The following SEMA3F variants were observed in gnomAD, a reference collection of about 807,000 sequenced individuals.
SEMA3F encodes the protein semaphorin 3F, also known as semaphorin-3F.
SEMA3F carries 30 observed loss-of-function variants against 98.5 expected under a neutral mutation model. That is an observed-to-expected ratio of 0.30 (90% confidence interval 0.23 to 0.41). The LOEUF (loss-of-function observed/expected upper bound fraction) is 0.41, where lower values mean the gene tolerates loss of function less well. Ranked by LOEUF, SEMA3F falls within the 10% of genes least tolerant of loss-of-function variation. SEMA3F has a pLI of 1.00. For missense variants in SEMA3F, 866 were observed against 1,119.3 expected, an observed-to-expected ratio of 0.77 and a Z score of 3.23; for synonymous variants, 380 against 444.8, an observed-to-expected ratio of 0.85 and a Z score of 1.83.
chr3:50,171,310 G>A (rs1390753140), intron 2 of SEMA3F, among the ~76,000 whole-genome samples: 3 of 152,190 alleles, frequency 2.0e-5, no homozygotes, highest in Non-Finnish European at 4.4e-5. Flanking sequence ...CTTTGCAAGA[G>A]GGTAGGGGAC....
At chr3:50,160,207 G>T (rs1227780947) in intron 2 of SEMA3F, among the ~76,000 whole-genome samples, 1 of 152,138 alleles carries the variant, frequency 6.6e-6, no homozygotes, top group Non-Finnish European at 1.5e-5. Context: ...TGGGGTGTGG[G>T]TGCTCGAGGA....
intron 5 of SEMA3F, 27 bp from the exon 6 acceptor site, chr3:50,175,069 T>G: frequency 4.1e-6 from 6 of 1,459,594 alleles, no homozygotes; most frequent in African/African-American, 1.4e-5. Context: ...CACCCCCAGC[T>G]CTAACCCCTG....
At chr3:50,184,926 A>G in intron 13 of SEMA3F, 112 bp downstream of exon 13, 4 of 743,588 alleles carry the variant, frequency 5.4e-6, no homozygotes, top group Non-Finnish European at 8.9e-6. Flanking sequence ...CATCAGAGTC[A>G]CTTCTTCATC....
chr3:50,167,776 A>G (rs1389417114), intron 2 of SEMA3F, among the ~76,000 whole-genome samples: 1 of 152,070 alleles, frequency 6.6e-6, no homozygotes, highest in African/African-American at 2.4e-5. Context: ...CCTGGGATAG[A>G]TGTGTCAGGG....
chr3:50,176,895 A>T, intron 7 of SEMA3F, 34 bp downstream of exon 7: 1 of 1,528,296 alleles, frequency 6.5e-7, no homozygotes, highest in Non-Finnish European at 9.1e-7. Context: ...TACAGTCTCA[A>T]TGTGTGGCCT....
chr3:50,181,446 T>C (rs9858297), intron 7 of SEMA3F, among the ~76,000 whole-genome samples: 102,854 of 151,394 alleles, frequency 0.68, 35,523 homozygotes, highest in East Asian at 0.99. Flanking sequence ...CTCAGCCTCC[T>C]GAGTAGCTGG....
rs1323961794 is a variant in SEMA3F, at chr3:50,187,728, G to C, written c.1971G>C (p.Leu657=). Residue 657 remains leucine, a synonymous_variant, in exon 19 of 19, where the codon CTG becomes CTC. Transcript: ENST00000002829. ...RREIRAEDRF[L]RTEQGLLLRA... is the part of the protein sequence containing the mutation. ...AGATTCGTGCAGAGGACCGCTTCCT[G>C]CGCACAGAGCAGGGCTTGTTGCTCC... 6.2e-7 allele frequency: 1 copy of C among 1,602,236 alleles called. No homozygotes were observed. The highest frequency in any genetic ancestry group is 8.5e-7 in the Non-Finnish European group (1 of 1,171,540).
intron 5 of SEMA3F, 61 bp from the exon 6 acceptor site, chr3:50,175,035 C>T (rs559675069): frequency 1.3e-5 from 16 of 1,218,746 alleles, no homozygotes; most frequent in South Asian, 7.7e-5. Flanking sequence ...GCTGGCAGCC[C>T]GAGCCCGCTC....
chr3:50,184,466 C>T (rs909970239), intron 12 of SEMA3F, 126 bp from the exon 13 acceptor site: 13 of 696,402 alleles, frequency 1.9e-5, no homozygotes, highest in African/African-American at 8.8e-5. Context: ...ACTTGGAGAG[C>T]GGGTTTGGGG....
At chr3:50,169,714 G>A (rs1358808314) in intron 2 of SEMA3F, among the ~76,000 whole-genome samples, 2 of 152,230 alleles carry the variant, frequency 1.3e-5, no homozygotes, top group Admixed American at 6.5e-5. Flanking sequence ...TGCCAGAGCC[G>A]GGCGTGGGAC....
chr3:50,172,469 C>A (rs1698653715), intron 2 of SEMA3F, among the ~76,000 whole-genome samples: 1 of 152,108 alleles, frequency 6.6e-6, no homozygotes, highest in African/African-American at 2.4e-5. Flanking sequence ...TCTGAGCCCC[C>A]TCCTGTCCTT....
chr3:50,167,038 T>C (rs1698431811), intron 2 of SEMA3F, among the ~76,000 whole-genome samples: 1 of 152,162 alleles, frequency 6.6e-6, no homozygotes, highest in African/African-American at 2.4e-5. Context: ...CCCTTCATAC[T>C]TCTTGGGGCA....
chr3:50,165,388 A>G (rs1053967967), intron 2 of SEMA3F, among the ~76,000 whole-genome samples: 2 of 152,176 alleles, frequency 1.3e-5, no homozygotes, highest in African/African-American at 2.4e-5. Context: ...AGTGATACGG[A>G]TGCATTTGGC....
intron 2 of SEMA3F, among the ~76,000 whole-genome samples, chr3:50,161,895 G>T (rs1195376540): frequency 1.3e-5 from 2 of 152,226 alleles, no homozygotes; most frequent in African/African-American, 4.8e-5. Flanking sequence ...TGAGGAGCAG[G>T]CGCCCACCAA....
chr3:50,186,030 A>G lies in SEMA3F; in HGVS notation c.1729A>G (p.Thr577Ala). ...AWDGQACSRY[T>A]ASSKRRSRRQ... ...GGATGGCCAGGCCTGCTCCCGCTAT[A>G]CAGCATCCTCCAAGAGGTGTGGACC... The change falls in exon 16 of 19, where the codon ACA becomes GCA. Residue 577 changes from threonine to alanine, a missense_variant. Physicochemically the swap from Thr to Ala is moderately conservative, Grantham distance 58. Coordinates refer to ENST00000002829, the MANE Select transcript of SEMA3F (RefSeq NM_004186.5). The G allele has an allele frequency of 6.2e-7, 1 of 1,612,506 alleles. No individual in the cohort carries two copies. The highest frequency in any genetic ancestry group is 8.5e-7 in the Non-Finnish European group (1 of 1,179,028).
chr3:50,159,831 C>T (rs1698137443), intron 2 of SEMA3F, 97 bp downstream of exon 2: 1 of 824,276 alleles, frequency 1.2e-6, no homozygotes, highest in Non-Finnish European at 2.0e-6. Context: ...CAGGACAAAA[C>T]CAGGACAAAT....
At position 50,183,172 on chromosome 3, in the gene SEMA3F, C is replaced by G; in HGVS notation, c.1019-14C>G. ...CCCATGGCACCCTCCAACACCTTCT[C>G]CCTCTGTCCCCAGAGGACGTGTTTG... is the stretch of plus-strand genomic sequence containing the variant. On this transcript the variant is annotated splice_polypyrimidine_tract_variant and intron_variant, in intron 10 of 18. Coordinates refer to ENST00000002829, the MANE Select transcript of SEMA3F (RefSeq NM_004186.5). 1.2e-6 allele frequency: 2 copies of G among 1,613,446 alleles called. No homozygotes were observed. The highest frequency in any genetic ancestry group is 1.7e-6 in the Non-Finnish European group (2 of 1,179,464).
In SEMA3F at chr3:50,184,788, G is replaced by A. The variant is rs759861492; in HGVS notation, c.1430G>A (p.Arg477His). ...AVDQVDAADG[R>H]YEVLFLGTDR... is the part of the protein sequence containing the mutation. ...GACCAGGTGGATGCAGCCGACGGGC[G>A]CTATGAGGTGCTTTTCCTGGGCACA... The change falls in exon 13 of 19, where the codon CGC (arginine) becomes CAC (histidine). Residue 477 changes from arginine to histidine, a missense_variant. Arg to His is a conservative substitution (Grantham distance 29). Coordinates refer to ENST00000002829, the MANE Select transcript of SEMA3F (RefSeq NM_004186.5). The A allele has an allele frequency of 9.9e-6, 16 of 1,613,730 alleles. No individual in the cohort carries two copies. Among genetic ancestry groups the A allele is most frequent in the Middle Eastern group, 1.7e-4 (1 of 6,052 alleles).
chr3:50,173,139 G>A (rs939872252), intron 2 of SEMA3F, among the ~76,000 whole-genome samples: 1 of 152,210 alleles, frequency 6.6e-6, no homozygotes, highest in Non-Finnish European at 1.5e-5. Flanking sequence ...GGACTGGAGA[G>A]GGAGCTGAGA....
Sources: gnomAD v4.1 joint callset for allele counts (sites outside exome capture counted in the v4.1 genomes callset) on GRCh38, gnomAD v4.1.1 for gene constraint, MANE v1.5 for transcripts, NCBI Gene and HGNC (gene_info 2026-07-23, HGNC 2026-07-21) for gene names.